Variants in TRDN observed in about 807,000 individuals in gnomAD.
TRDN encodes the protein triadin.
TRDN carries 161 observed loss-of-function variants against 149.7 expected under a neutral mutation model. That is an observed-to-expected ratio of 1.08 (90% CI 0.95 to 1.23). TRDN has a LOEUF of 1.23. Among genes scored for constraint, TRDN ranks in the 50% most tolerant of loss-of-function variants. The pLI is 0.00. For synonymous variants in TRDN, 294 were observed against 250.5 expected (o/e 1.17, Z -1.64); for missense variants, 896 against 823.5 (o/e 1.09, Z -1.08).
intron 23 of TRDN, among the ~76,000 whole-genome samples, chr6:123,321,219 C>T (rs1013003883): frequency 2.6e-5 from 4 of 152,062 alleles, no homozygotes; most frequent in African/African-American, 9.7e-5. Flanking sequence ...TTAATGCAAA[C>T]AGGATTGCTG....
At chr6:123,605,597 CAAAA>C (rs35881822) in intron 1 of TRDN, among the ~76,000 whole-genome samples, 21 of 123,974 alleles carry the variant, frequency 1.7e-4, no homozygotes, top group East Asian at 2.2e-4. Flanking sequence ...ACCCTCTCTA[CAAAA>C]AAAAAAAAAA....
intron 24 of TRDN, among the ~76,000 whole-genome samples, chr6:123,313,248 A>G (rs1778900005): frequency 6.6e-6 from 1 of 151,926 alleles, no homozygotes; most frequent in South Asian, 2.1e-4. Flanking sequence ...AGCTTAGTGA[A>G]GATCAATTTT....
intron 12 of TRDN, among the ~76,000 whole-genome samples, chr6:123,423,515 C>G (rs1773993234): frequency 6.6e-6 from 1 of 152,036 alleles, no homozygotes; most frequent in Non-Finnish European, 1.5e-5. Flanking sequence ...TTATCTCACT[C>G]TCATTATTCA....
intron 12 of TRDN, among the ~76,000 whole-genome samples, chr6:123,408,552 C>T (rs1353653647): frequency 6.6e-6 from 1 of 151,820 alleles, no homozygotes; most frequent in African/African-American, 2.4e-5. Context: ...GTGGCGGGCA[C>T]CTGTAATCCC....
intron 12 of TRDN, among the ~76,000 whole-genome samples, chr6:123,415,493 T>G (rs769713022): frequency 2.0e-5 from 3 of 152,196 alleles, no homozygotes; most frequent in Non-Finnish European, 2.9e-5. Flanking sequence ...CCAGACAGTC[T>G]AAGCAGGTAG....
intron 38 of TRDN, among the ~76,000 whole-genome samples, chr6:123,226,054 A>T (rs965794161): frequency 1.3e-5 from 2 of 151,826 alleles, no homozygotes; most frequent in Non-Finnish European, 2.9e-5. Flanking sequence ...GCTATTATGT[A>T]GAAGAACACA....
intron 24 of TRDN, among the ~76,000 whole-genome samples, chr6:123,301,756 T>TATATATAC (rs1377039633): frequency 2.8e-5 from 2 of 71,560 alleles, no homozygotes; most frequent in East Asian, 9.2e-4. Flanking sequence ...TATATACATA[T>TATATATAC]ATATATATAT....
chr6:123,437,677 C>T lies in TRDN; in HGVS notation c.1051+386G>A, dbSNP rs924294704. ...TTTCTGTGGAAGAGTAGGAGCCTAA[C>T]TTCCTTGGACTCCTCGCTCCACATT... On this transcript the variant is annotated intron_variant, in intron 12 of 40. Coordinates refer to ENST00000334268, the MANE Select transcript of TRDN (RefSeq NM_006073.4). 3.9e-5 allele frequency among the ~76,000 whole-genome samples: 6 copies of T among 152,248 alleles called. No homozygotes were observed. The South Asian group carries it at 1.0e-3, about 26-fold the overall frequency.
intron 22 of TRDN, 80 bp from the exon 23 acceptor site, chr6:123,332,009 A>T: frequency 9.2e-7 from 1 of 1,090,898 alleles, no homozygotes; most frequent in Non-Finnish European, 1.3e-6. Flanking sequence ...CAGTAAGCTG[A>T]AAGTATCAGT....
At chr6:123,437,574 C>G (rs1774639254) in intron 12 of TRDN, among the ~76,000 whole-genome samples, 1 of 151,614 alleles carries the variant, frequency 6.6e-6, no homozygotes, top group Non-Finnish European at 1.5e-5. Context: ...TTTCACAACC[C>G]ATAAAGCCTT....
At chr6:123,263,235 G>A (rs1051935391) in intron 33 of TRDN, among the ~76,000 whole-genome samples, 4 of 152,068 alleles carry the variant, frequency 2.6e-5, no homozygotes, top group Admixed American at 2.6e-4. Flanking sequence ...GGACTGAATA[G>A]AAGATCAAAG....
At chr6:123,604,999 C>T (rs962433695) in intron 1 of TRDN, among the ~76,000 whole-genome samples, 5 of 151,778 alleles carry the variant, frequency 3.3e-5, no homozygotes, top group South Asian at 2.1e-4. Context: ...ATGCCAAACA[C>T]GTAAACACTC....
At chr6:123,336,318 C>T (rs150194733) in intron 22 of TRDN, among the ~76,000 whole-genome samples, 16 of 152,096 alleles carry the variant, frequency 1.1e-4, no homozygotes, top group African/African-American at 3.6e-4. Context: ...TATTGCTAGA[C>T]CTCACATTCC....
intron 1 of TRDN, among the ~76,000 whole-genome samples, chr6:123,634,731 AG>A (rs1296480861): frequency 6.6e-6 from 1 of 150,630 alleles, no homozygotes; most frequent in African/African-American, 2.5e-5. Flanking sequence ...TTTTCATTTG[AG>A]AAATATTATT....
chr6:123,365,642 C>T (rs182808711), intron 20 of TRDN, among the ~76,000 whole-genome samples: 28 of 152,246 alleles, frequency 1.8e-4, no homozygotes, highest in Non-Finnish European at 3.7e-4. Context: ...AAGACATTGG[C>T]TACATTATTG....
chr6:123,219,243 G>T (rs1775055117), intron 40 of TRDN, among the ~76,000 whole-genome samples: 1 of 151,774 alleles, frequency 6.6e-6, no homozygotes, highest in African/African-American at 2.4e-5. Context: ...AAGGTGGCTT[G>T]GTTGCTCTTT....
chr6:123,433,365 T>A lies in TRDN; in HGVS notation c.1051+4698A>T, dbSNP rs536585597. 1.1e-4 allele frequency among the ~76,000 whole-genome samples: 16 copies of A among 151,960 alleles called. 1 individual carries two copies. The highest frequency in any genetic ancestry group is 3.9e-4 in the African/African-American group (16 of 41,476). The stretch of plus-strand genomic sequence containing the variant: ...TTTTCTCCACTGCCCTTACTCAGAG[T>A]TGAACTTGTGGACATTTTGTCTTTA... On this transcript the variant is annotated intron_variant, in intron 12 of 40. Coordinates refer to ENST00000334268, the MANE Select transcript of TRDN (RefSeq NM_006073.4).
intron 38 of TRDN, among the ~76,000 whole-genome samples, chr6:123,244,736 T>C (rs1159775682): frequency 6.6e-6 from 1 of 151,934 alleles, no homozygotes; most frequent in Admixed American, 6.6e-5. Context: ...ATTCAGGAAA[T>C]ACAGAGAACA....
intron 4 of TRDN, among the ~76,000 whole-genome samples, chr6:123,533,303 C>A (rs184670409): frequency 3.5e-4 from 53 of 151,956 alleles, no homozygotes; most frequent in Middle Eastern, 6.8e-3. Context: ...TCCACAGATA[C>A]CAGCTGACCA....
Sources: allele counts gnomAD v4.1 joint callset (sites outside exome capture counted in the v4.1 genomes callset), GRCh38; gene constraint gnomAD v4.1.1; transcripts MANE v1.5; gene names NCBI Gene and HGNC (gene_info 2026-07-23, HGNC 2026-07-21).